The following AHI1 variants were observed in gnomAD, a reference collection of about 807,000 sequenced individuals.
The protein encoded by AHI1 is Abelson helper integration site 1, also known as jouberin.
Under a neutral mutation model 149.3 loss-of-function variants are expected in AHI1, and 123 were observed. The ratio of observed to expected loss-of-function variants is 0.82; its 90% confidence interval spans 0.71 to 0.96. The LOEUF is 0.96. Among genes scored for constraint, AHI1 ranks in the 40% least tolerant of loss-of-function variants. The pLI is 0.00. For missense variants in AHI1, 1,439 were observed against 1,422.7 expected (o/e 1.01, Z -0.18); for synonymous variants, 475 against 459.8 (o/e 1.03, Z -0.42).
At chr6:135,490,210 T>C (rs995792169) in intron 5 of AHI1, 6 of 725,532 alleles carry the variant, frequency 8.3e-6, no homozygotes, top group Admixed American at 2.0e-5. Context: ...CATACGGCCA[T>C]TGATTTCTCC....
At chr6:135,342,230 A>C (rs149642535) in intron 24 of AHI1, among the ~76,000 whole-genome samples, 6 of 152,116 alleles carry the variant, frequency 3.9e-5, no homozygotes, top group African/African-American at 1.4e-4. Flanking sequence ...GAAAGATGCA[A>C]CTTAAAACTG....
chr6:135,351,590 T>C (rs1234716506), intron 24 of AHI1, among the ~76,000 whole-genome samples: 1 of 152,214 alleles, frequency 6.6e-6, no homozygotes, highest in Non-Finnish European at 1.5e-5. Flanking sequence ...TGAGAAACCG[T>C]AGGCATATTT....
Position 135,465,948 on chromosome 6 carries a change from C to T in AHI1, c.615G>A (p.Lys205=), listed in dbSNP as rs372357536. The T allele has an allele frequency of 6.2e-7, 1 of 1,610,832 alleles. No individual in the cohort carries two copies. Residue 205 remains lysine, a synonymous_variant, in exon 7 of 29, where the codon AAG becomes AAA. Transcript: ENST00000265602. ...HVTEEMAKEI[K]RKIRKKLKEQ... is the part of the protein sequence containing the mutation. Reference sequence around the variant, plus strand: ...CTTTCAGTTTCTTTCTTATTTTCCTCTTAATCTCCTTTGCCATTTCTTCAG... The same window carrying T: ...CTTTCAGTTTCTTTCTTATTTTCCTTTTAATCTCCTTTGCCATTTCTTCAG...
chr6:135,339,337 A>C (rs942791583), intron 24 of AHI1, among the ~76,000 whole-genome samples: 3 of 152,200 alleles, frequency 2.0e-5, no homozygotes, highest in Admixed American at 6.5e-5. Context: ...CAAAATAGTT[A>C]ACAGAATTGC....
intron 24 of AHI1, among the ~76,000 whole-genome samples, chr6:135,347,148 CA>C (rs1791356324): frequency 6.6e-6 from 1 of 152,164 alleles, no homozygotes; most frequent in Non-Finnish European, 1.5e-5. Context: ...AGGAGGAAAT[CA>C]AGGTCATCTG....
chr6:135,481,874 A>T (rs1793706967), intron 5 of AHI1, among the ~76,000 whole-genome samples: 1 of 148,562 alleles, frequency 6.7e-6, no homozygotes. Context: ...TAGGTTGACA[A>T]TTTTTTTTTC....
intron 14 of AHI1, among the ~76,000 whole-genome samples, chr6:135,439,391 T>C (rs1219630521): frequency 6.6e-6 from 1 of 152,230 alleles, no homozygotes; most frequent in Admixed American, 6.5e-5. Flanking sequence ...AGAAACTTAG[T>C]AGCTGTCTCA....
intron 5 of AHI1, chr6:135,490,124 T>G: frequency 1.4e-6 from 1 of 714,152 alleles, no homozygotes; most frequent in South Asian, 1.5e-5. Context: ...GCACTGTATT[T>G]TTAATTCCTT....
intron 23 of AHI1, among the ~76,000 whole-genome samples, chr6:135,364,042 C>T (rs1387177082): frequency 6.6e-5 from 10 of 150,382 alleles, no homozygotes; most frequent in African/African-American, 2.0e-4. Flanking sequence ...CCTCACCTCC[C>T]GGACAGGGCG....
intron 26 of AHI1, among the ~76,000 whole-genome samples, chr6:135,309,418 G>A (rs1310560195): frequency 6.6e-6 from 1 of 150,846 alleles, no homozygotes; most frequent in Admixed American, 6.6e-5. Context: ...CAAATTAGGG[G>A]AAAGAAAAAA....
Position 135,285,540 on chromosome 6 carries a change from T to C in AHI1, c.*105A>G. ...AGAACAAGAAGTAGTGGATCCTTTC[T>C]TCCTCCTTAGTATCTGAAAATTCTG... is the stretch of plus-strand genomic sequence containing the variant. On this transcript the variant is annotated 3_prime_UTR_variant, in exon 29 of 29. Coordinates refer to ENST00000265602, the MANE Select transcript of AHI1 (RefSeq NM_001134831.2). The C allele has an allele frequency of 2.5e-6, 3 of 1,198,112 alleles. No homozygotes were observed. The highest frequency in any genetic ancestry group is 3.6e-6 in the Non-Finnish European group (3 of 824,910). 74.2% of individuals were successfully genotyped at this position (1,198,112 alleles called of 1,614,324 possible). A position where few individuals can be genotyped will look rare whatever the true frequency, so the allele number is the denominator to read the frequency against.
intron 20 of AHI1, among the ~76,000 whole-genome samples, chr6:135,425,001 A>G (rs1376552737): frequency 6.6e-6 from 1 of 151,996 alleles, no homozygotes; most frequent in Non-Finnish European, 1.5e-5. Flanking sequence ...AATAAATATT[A>G]TACTTTTCTT....
chr6:135,453,020 A>G (rs911488825), intron 11 of AHI1, among the ~76,000 whole-genome samples: 1 of 152,202 alleles, frequency 6.6e-6, no homozygotes, highest in Non-Finnish European at 1.5e-5. Context: ...GGAATTTGTC[A>G]TCTTTGTCCA....
chr6:135,461,887 T>C (rs1434955440), intron 8 of AHI1, among the ~76,000 whole-genome samples: 1 of 151,912 alleles, frequency 6.6e-6, no homozygotes. Flanking sequence ...TAAGCAAAAA[T>C]AAACTCTGTT....
intron 9 of AHI1, among the ~76,000 whole-genome samples, chr6:135,456,719 A>T (rs191933383): frequency 1.7e-4 from 26 of 152,166 alleles, no homozygotes; most frequent in African/African-American, 4.8e-4. Flanking sequence ...ACAATTTTTT[A>T]AAAAATTCTA....
intron 26 of AHI1, chr6:135,302,157 A>G: frequency 1.0e-6 from 1 of 985,288 alleles, no homozygotes; most frequent in Non-Finnish European, 1.2e-6. Context: ...ATGTCCAGCT[A>G]TTCTTTACAA....
chr6:135,463,146 T>C lies in AHI1; in HGVS notation c.910A>G (p.Thr304Ala), dbSNP rs749930727. The change falls in exon 8 of 29, where the codon ACA (threonine) becomes GCA (alanine). Residue 304 changes from threonine (T) to alanine (A), a missense_variant. By Grantham distance (58) the Thr-to-Ala change is moderately conservative (BLOSUM62 0). Coordinates refer to ENST00000265602, the MANE Select transcript of AHI1 (RefSeq NM_001134831.2). ...QDDTKPKPKK[T>A]KKKTKAVADN... is the part of the protein sequence containing the mutation. ...AAACCTGCTTTAGTCTTCTTTTTTGTTTTTTTTGGTTTAGGTTTTGTATCA... is the reference window on the plus strand; with the variant it reads ...AAACCTGCTTTAGTCTTCTTTTTTGCTTTTTTTGGTTTAGGTTTTGTATCA... The C allele has an allele frequency of 5.1e-6, 8 of 1,566,406 alleles. No individual in the cohort carries two copies. In the Admixed American group the frequency reaches 1.5e-4, roughly 29 times the overall value.
In AHI1 at chr6:135,394,789, A is replaced by G; in HGVS notation, c.3096T>C (p.Gly1032=). 6.2e-7 allele frequency: 1 copy of G among 1,610,378 alleles called. No individual in the cohort carries two copies. The highest frequency in any genetic ancestry group is 8.5e-7 in the Non-Finnish European group (1 of 1,177,976). Residue 1032 remains glycine, a synonymous_variant, in exon 23 of 29, where the codon GGT becomes GGC. Transcript: ENST00000265602. ...AAAGGGGCTCACCGGTCTGAGTGAA[A>G]CCAAACTGATGTAGAATCTCTTGAG... ...LTAQEILHQF[G]FTQTGIISIE...
intron 24 of AHI1, among the ~76,000 whole-genome samples, chr6:135,342,443 C>T (rs2614255): frequency 0.46 from 69,335 of 151,564 alleles, 17,412 homozygotes; most frequent in Middle Eastern, 0.61. Flanking sequence ...CAAAACCAGA[C>T]AAGAAAATTA....
Sources: allele counts gnomAD v4.1 joint callset (sites outside exome capture counted in the v4.1 genomes callset), GRCh38; gene constraint gnomAD v4.1.1; transcripts MANE v1.5; gene names NCBI Gene and HGNC (gene_info 2026-07-23, HGNC 2026-07-21).